Variants in B3GALT1 observed in about 807,000 individuals in gnomAD.
B3GALT1 encodes the protein beta-1,3-galactosyltransferase 1, also known as UDP-Gal:betaGlcNAc beta 1,3-galactosyltransferase, polypeptide 1.
Under a neutral mutation model 23.2 loss-of-function variants are expected in B3GALT1, and 10 were observed. The ratio of observed to expected loss-of-function variants is 0.43; its 90% CI spans 0.27 to 0.73. B3GALT1 has a LOEUF of 0.73. Ranked by LOEUF, B3GALT1 falls within the 30% of genes least tolerant of loss-of-function variation. The probability of loss-of-function intolerance (pLI) is 0.21; values close to 1 mark genes in which losing one functional copy is unlikely to be tolerated. For missense variants in B3GALT1, 299 were observed against 405.4 expected (o/e 0.74, Z 2.25); for synonymous variants, 156 against 141.5 (o/e 1.10, Z -0.73).
chr2:167,820,286 G>T (rs568383667), intron 4 of B3GALT1, among the ~76,000 whole-genome samples: 1 of 152,330 alleles, frequency 6.6e-6, no homozygotes, highest in African/African-American at 2.4e-5. Context: ...AGGGTGCTCA[G>T]GTAGTGAAGA....
chr2:167,586,711 C>T (rs924134589), intron 2 of B3GALT1, among the ~76,000 whole-genome samples: 9 of 152,084 alleles, frequency 5.9e-5, no homozygotes, highest in Non-Finnish European at 7.4e-5. Context: ...ATTAAAGTGT[C>T]GGAATATTGA....
chr2:167,367,853 G>C (rs1697615448), intron 1 of B3GALT1, among the ~76,000 whole-genome samples: 1 of 152,134 alleles, frequency 6.6e-6, no homozygotes, highest in Non-Finnish European at 1.5e-5. Flanking sequence ...CACTAGTCTA[G>C]TCATTCTTTA....
At chr2:167,565,232 A>G (rs989309070) in intron 2 of B3GALT1, among the ~76,000 whole-genome samples, 3 of 152,200 alleles carry the variant, frequency 2.0e-5, no homozygotes, top group Admixed American at 1.3e-4. Flanking sequence ...TCTTTGACAA[A>G]CCTGAGAAAA....
In B3GALT1 at chr2:167,544,144, C is replaced by G. The variant is rs755847685; in HGVS notation, c.-410+53867C>G. On this transcript the variant is annotated intron_variant, in intron 2 of 4. Transcript: ENST00000392690. ...AGAAATCTGCTTAGAGCTCAATGGTCAGACCTGGGTCACATGAAGACCTAC... is the reference window on the plus strand; with the variant it reads ...AGAAATCTGCTTAGAGCTCAATGGTGAGACCTGGGTCACATGAAGACCTAC... Among the ~76,000 whole-genome samples, 2 of 152,288 alleles carry G rather than the reference C, an allele frequency of 1.3e-5. 1 individual carries two copies. Among genetic ancestry groups the G allele is most frequent in the South Asian group, 4.1e-4 (2 of 4,828 alleles).
chr2:167,821,066 T>C (rs1689095316), intron 4 of B3GALT1, among the ~76,000 whole-genome samples: 1 of 152,244 alleles, frequency 6.6e-6, no homozygotes, highest in South Asian at 2.1e-4. Context: ...TCCCAAGAGC[T>C]AAGAGCCTCT....
chr2:167,521,097 G>A (rs561217603), intron 2 of B3GALT1, among the ~76,000 whole-genome samples: 8 of 151,892 alleles, frequency 5.3e-5, no homozygotes, highest in Non-Finnish European at 1.2e-4. Context: ...TTTCTTTGGA[G>A]CATTGTCTCC....
chr2:167,408,825 CA>C (rs35600977), intron 1 of B3GALT1, among the ~76,000 whole-genome samples: 53 of 130,668 alleles, frequency 4.1e-4, no homozygotes, highest in Middle Eastern at 3.8e-3. Context: ...AAAAGACAAA[CA>C]AAAAAAAAAC....
At chr2:167,627,255 A>G (rs1574176459) in intron 2 of B3GALT1, among the ~76,000 whole-genome samples, 2 of 151,864 alleles carry the variant, frequency 1.3e-5, no homozygotes, top group South Asian at 2.1e-4. Flanking sequence ...AGGCATCACT[A>G]CAATCAAGAT....
At chr2:167,445,077 T>C (rs1002821630) in intron 1 of B3GALT1, among the ~76,000 whole-genome samples, 3 of 152,242 alleles carry the variant, frequency 2.0e-5, no homozygotes, top group Non-Finnish European at 4.4e-5. Context: ...TTTGTTCTCA[T>C]TGGTTTCAAA....
chr2:167,855,924 A>G (rs1689992311), intron 4 of B3GALT1, among the ~76,000 whole-genome samples: 1 of 152,142 alleles, frequency 6.6e-6, no homozygotes, highest in Non-Finnish European at 1.5e-5. Flanking sequence ...AATGACTATT[A>G]AAATGTCATT....
At chr2:167,668,273 G>T (rs1290385973) in intron 3 of B3GALT1, among the ~76,000 whole-genome samples, 1 of 151,992 alleles carries the variant, frequency 6.6e-6, no homozygotes, top group Non-Finnish European at 1.5e-5. Flanking sequence ...GGAGGTCAGG[G>T]GTCAGGGACC....
intron 1 of B3GALT1, among the ~76,000 whole-genome samples, chr2:167,429,179 G>A (rs188649896): frequency 2.0e-3 from 305 of 151,782 alleles, no homozygotes; most frequent in African/African-American, 7.0e-3. Context: ...TACTTGGGAG[G>A]CTGAGGCCAG....
At chr2:167,390,401 G>A (rs1698001401) in intron 1 of B3GALT1, among the ~76,000 whole-genome samples, 1 of 152,168 alleles carries the variant, frequency 6.6e-6, no homozygotes, top group Non-Finnish European at 1.5e-5. Context: ...CATTGCCAAT[G>A]GAAATGGAAC....
intron 2 of B3GALT1, among the ~76,000 whole-genome samples, chr2:167,530,323 C>CT (rs1197009390): frequency 6.6e-6 from 1 of 152,128 alleles, no homozygotes; most frequent in East Asian, 1.9e-4. Context: ...TTGTTTATCT[C>CT]TTTTTTGTCT....
chr2:167,484,835 A>G (rs1699602848), intron 1 of B3GALT1, among the ~76,000 whole-genome samples: 1 of 152,194 alleles, frequency 6.6e-6, no homozygotes, highest in African/African-American at 2.4e-5. Flanking sequence ...CACAAGAGAC[A>G]ACTTTGCCGT....
At position 167,483,440 on chromosome 2, in the gene B3GALT1, C is replaced by CA. The variant is rs774412228; in HGVS notation, c.-510-6734dup. On this transcript the variant is annotated intron_variant, in intron 1 of 4. Coordinates refer to ENST00000392690, the MANE Select transcript of B3GALT1 (RefSeq NM_020981.4). ...ATAAGAATATTCAAAGATAATTTTC[C>CA]AAAGGGACAAATTCAAATATAAAAA... Among the ~76,000 whole-genome samples the CA allele has an allele frequency of 2.3e-4, 35 of 152,182 alleles. No homozygotes were observed. In the East Asian group the frequency reaches 4.6e-3, roughly 20 times the overall value.
At chr2:167,795,772 G>A (rs946417702) in intron 3 of B3GALT1, among the ~76,000 whole-genome samples, 29 of 152,166 alleles carry the variant, frequency 1.9e-4, no homozygotes, top group African/African-American at 7.0e-4. Context: ...TCACCAATCA[G>A]CATTATAGAA....
At chr2:167,787,277 G>C in intron 3 of B3GALT1, among the ~76,000 whole-genome samples, 1 of 152,160 alleles carries the variant, frequency 6.6e-6, no homozygotes, top group East Asian at 1.9e-4. Context: ...CACCTATCTT[G>C]TAGGGCTGCT....
chr2:167,502,496 A>G (rs939975931), intron 2 of B3GALT1, among the ~76,000 whole-genome samples: 1 of 152,204 alleles, frequency 6.6e-6, no homozygotes, highest in South Asian at 2.1e-4. Flanking sequence ...TCACGGTTCC[A>G]CAGGCTGTAC....
Sources: allele counts gnomAD v4.1 joint callset (sites outside exome capture counted in the v4.1 genomes callset), GRCh38; gene constraint gnomAD v4.1.1; transcripts MANE v1.5; gene names NCBI Gene and HGNC (gene_info 2026-07-23, HGNC 2026-07-21).